PIGG: variants seen among roughly 807,000 people sequenced by gnomAD.
PIGG encodes the protein GPI ethanolamine phosphate transferase 2, catalytic subunit.
In PIGG, 70 loss-of-function variants were observed where a neutral mutation model predicts 83.2. That is an observed-to-expected ratio of 0.84 (90% CI 0.69 to 1.03). The LOEUF (loss-of-function observed/expected upper bound fraction) is 1.03, where lower values mean the gene tolerates loss of function less well. PIGG is among the 50% of genes least tolerant of loss of function. The pLI is 0.00. For missense variants in PIGG, 1,257 were observed against 1,233.6 expected (o/e 1.02, Z -0.28); for synonymous variants, 532 against 519.5 (o/e 1.02, Z -0.33).
chr4:512,969 C>T (rs1404641062), intron 5 of PIGG, among the ~76,000 whole-genome samples: 1 of 152,144 alleles, frequency 6.6e-6, no homozygotes, highest in Non-Finnish European at 1.5e-5. Context: ...AACCCTCCTT[C>T]TGGAGCTGGG....
intron 5 of PIGG, among the ~76,000 whole-genome samples, chr4:514,850 C>G (rs1723320809): frequency 1.3e-5 from 2 of 152,164 alleles, no homozygotes; most frequent in Non-Finnish European, 2.9e-5. Context: ...CCAGTGCTGC[C>G]ACTACCAGTA....
At chr4:538,061 CCA>C (rs1553902538) in intron 12 of PIGG, among the ~76,000 whole-genome samples, 1 of 114,430 alleles carries the variant, frequency 8.7e-6, no homozygotes, top group Admixed American at 8.2e-5. Flanking sequence ...ACCCACACAC[CCA>C]CACACACGTG....
At chr4:513,359 G>A (rs1722852686) in intron 5 of PIGG, among the ~76,000 whole-genome samples, 1 of 152,074 alleles carries the variant, frequency 6.6e-6, no homozygotes, top group South Asian at 2.1e-4. Context: ...TTATTATTTT[G>A]AAAATAAGCG....
At chr4:500,290 T>C in intron 1 of PIGG, 106 bp from the exon 2 acceptor site, 1 of 797,736 alleles carries the variant, frequency 1.3e-6, no homozygotes, top group Non-Finnish European at 2.0e-6. Context: ...TATGTAGATA[T>C]CGCAGGGTAT....
rs147110508 is a variant in PIGG, at chr4:521,875, G to C, written c.1548G>C (p.Ser516=). The change falls in exon 8 of 13, where the codon TCG becomes TCC. Residue 516 remains serine (S), a synonymous_variant. Coordinates refer to ENST00000453061, the MANE Select transcript of PIGG (RefSeq NM_001127178.3). ...CAGGTGGGGTGATGGTGCTGGCCTC[G>C]GCGCTGCTGTGTGTGATTGTGTCTG... ...LAAGGVMVLA[S]ALLCVIVSVL... is the part of the protein sequence containing the mutation. The C allele has an allele frequency of 7.4e-6, 12 of 1,614,080 alleles. No individual in the cohort carries two copies. Among genetic ancestry groups the C allele is most frequent in the Non-Finnish European group, 1.0e-5 (12 of 1,180,042 alleles).
intron 6 of PIGG, among the ~76,000 whole-genome samples, chr4:519,124 A>C (rs543790556): frequency 2.0e-4 from 31 of 152,254 alleles, no homozygotes; most frequent in Admixed American, 5.2e-4. Flanking sequence ...CCATTACCAA[A>C]AATCCCTCAT....
At chr4:529,323 C>T (rs1728471807) in intron 10 of PIGG, among the ~76,000 whole-genome samples, 1 of 152,100 alleles carries the variant, frequency 6.6e-6, no homozygotes. Flanking sequence ...TTAGCACACA[C>T]CTTGGCCTGT....
At chr4:532,013 T>G (rs1397119432) in intron 11 of PIGG, 1 of 152,410 alleles carries the variant, frequency 6.6e-6, no homozygotes, top group Non-Finnish European at 1.5e-5. Context: ...GCCCCTGTTT[T>G]GAGGCTGAGT....
In PIGG at chr4:520,938, T is replaced by C. The variant is rs986365859; in HGVS notation, c.1115-118T>C. On this transcript the variant is annotated intron_variant, in intron 6 of 12. Transcript: ENST00000453061. ...ATGATTGATCTTCATTAAGCGTCAG[T>C]TGTGAAAAGTGAAGGCTTTGCCGTG... The C allele has an allele frequency of 3.2e-5, 23 of 710,760 alleles. No individual in the cohort carries two copies. In the African/African-American group the frequency reaches 3.6e-4, roughly 11 times the overall value. 44.0% of individuals were successfully genotyped at this position (710,760 alleles called of 1,614,324 possible).
intron 5 of PIGG, among the ~76,000 whole-genome samples, chr4:510,044 C>T (rs944556491): frequency 7.2e-5 from 11 of 152,102 alleles, no homozygotes; most frequent in Non-Finnish European, 1.2e-4. Context: ...AGCTTCTTGG[C>T]CGAGACCAGC....
intron 5 of PIGG, among the ~76,000 whole-genome samples, chr4:512,367 C>A (rs142289079): frequency 0.014 from 2,177 of 151,430 alleles, 29 homozygotes; most frequent in South Asian, 0.034. Context: ...TTACAGGCAC[C>A]CACCACCACC....
chr4:536,808 G>A (rs531661711), intron 12 of PIGG: 1 of 152,408 alleles, frequency 6.6e-6, no homozygotes, highest in East Asian at 1.9e-4. Context: ...AGCTGTGCGC[G>A]GCGTGATCAA....
rs1553878959 is a variant in PIGG, at chr4:505,940, A to C, written c.570+13A>C. On this transcript the variant is annotated intron_variant, in intron 3 of 12. Transcript: ENST00000453061. Reference sequence around the variant, plus strand: ...AGATTACACAGAGGTCAGTTTTTAAAATAAGAAAATATATCATACTAGAAT... The same window carrying C: ...AGATTACACAGAGGTCAGTTTTTAACATAAGAAAATATATCATACTAGAAT... 5.2e-6 allele frequency: 8 copies of C among 1,547,378 alleles called. No individual in the cohort carries two copies. Among genetic ancestry groups the C allele is most frequent in the Non-Finnish European group, 7.1e-6 (8 of 1,121,130 alleles).
rs752359775 is a variant in PIGG, at chr4:523,516, A to G, written c.1672A>G (p.Thr558Ala). 6.2e-7 allele frequency: 1 copy of G among 1,613,950 alleles called. No individual in the cohort carries two copies. The highest frequency in any genetic ancestry group is 1.1e-5 in the South Asian group (1 of 91,062). The change falls in exon 9 of 13, where the codon ACG becomes GCG. Residue 558 changes from threonine to alanine, a missense_variant. By Grantham distance (58) the Thr-to-Ala change is moderately conservative. Transcript: ENST00000453061. ...GCTAGACCTTCTTATTCTGTTGGGG[A>G]CGGCGGGCCACGTCTTGAGCCTGGG... ...SELDLLILLG[T>A]AGHVLSLGAS... is the part of the protein sequence containing the mutation.
In PIGG at chr4:521,208, C is replaced by G; in HGVS notation, c.1267C>G (p.Leu423Val). The change falls in exon 7 of 13, where the codon CTG becomes GTG. Residue 423 changes from leucine (L) to valine (V), a missense_variant. Physicochemically the swap from Leu to Val is conservative, Grantham distance 32. Coordinates refer to ENST00000453061, the MANE Select transcript of PIGG (RefSeq NM_001127178.3). Reference protein sequence around the residue: ...LDALKTLSLSLSAQVAQYDIY... With the variant: ...LDALKTLSLSVSAQVAQYDIY... ...TGCTCTGAAGACGCTGAGCTTGTCCCTGAGTGCACAAGTGGCCCAGTACGA... is the reference window on the plus strand; with the variant it reads ...TGCTCTGAAGACGCTGAGCTTGTCCGTGAGTGCACAAGTGGCCCAGTACGA... 1 of 1,614,160 alleles carries G rather than the reference C, an allele frequency of 6.2e-7. No individual in the cohort carries two copies. The highest frequency in any genetic ancestry group is 8.5e-7 in the Non-Finnish European group (1 of 1,180,020).
At chr4:511,247 C>A (rs568845673) in intron 5 of PIGG, among the ~76,000 whole-genome samples, 1 of 146,756 alleles carries the variant, frequency 6.8e-6, no homozygotes, top group Non-Finnish European at 1.5e-5. Context: ...GAGCCGAGAT[C>A]GTGCCATTGC....
chr4:533,989 GC>G lies in PIGG; in HGVS notation c.2735+10del. 1 of 1,613,298 alleles carries G rather than the reference GC, an allele frequency of 6.2e-7. No homozygotes were observed. The highest frequency in any genetic ancestry group is 8.5e-7 in the Non-Finnish European group (1 of 1,179,300). ...GAGCTCAGAAACACGCAGGTGAGGCGCCTCTCTGCCGTCAGCACAGTTCTGG... is the reference window on the plus strand; with the variant it reads ...GAGCTCAGAAACACGCAGGTGAGGCGCTCTCTGCCGTCAGCACAGTTCTGG... On this transcript the variant is annotated intron_variant, in intron 12 of 12. Coordinates refer to ENST00000453061, the MANE Select transcript of PIGG (RefSeq NM_001127178.3).
chr4:513,889 T>G (rs1345459266), intron 5 of PIGG, among the ~76,000 whole-genome samples: 3 of 152,206 alleles, frequency 2.0e-5, no homozygotes, highest in Non-Finnish European at 4.4e-5. Context: ...GAAATAGACC[T>G]CAGTGTATCT....
intron 6 of PIGG, among the ~76,000 whole-genome samples, chr4:516,803 C>G (rs1724014190): frequency 7.1e-6 from 1 of 140,150 alleles, no homozygotes; most frequent in South Asian, 2.2e-4. Flanking sequence ...TTGCAGTGAA[C>G]TGAGATCGCG....
Sources: allele counts gnomAD v4.1 joint callset (sites outside exome capture counted in the v4.1 genomes callset), GRCh38; gene constraint gnomAD v4.1.1; transcripts MANE v1.5; gene names NCBI Gene and HGNC (gene_info 2026-07-23, HGNC 2026-07-21).